The following KCTD8 variants were observed in gnomAD, a reference collection of about 807,000 sequenced individuals.
KCTD8 encodes BTB/POZ domain-containing protein KCTD8.
A neutral mutation model predicts 31.5 loss-of-function variants in KCTD8; 27 were observed. The observed-to-expected ratio is 0.86, with a 90% confidence interval of 0.63 to 1.18. KCTD8 has a LOEUF of 1.18. KCTD8 is among the 50% of genes most tolerant of loss of function. The probability of loss-of-function intolerance (pLI) is 0.00; values close to 1 mark genes in which losing one functional copy is unlikely to be tolerated. For missense variants in KCTD8, 658 were observed against 647.7 expected, an observed-to-expected ratio of 1.02 and a Z score of -0.17; for synonymous variants, 290 against 280.0, an observed-to-expected ratio of 1.04 and a Z score of -0.36.
chr4:44,395,201 C>T (rs957023141), intron 1 of KCTD8, among the ~76,000 whole-genome samples: 3 of 151,972 alleles, frequency 2.0e-5, no homozygotes, highest in Admixed American at 6.6e-5. Context: ...TACAAAAAAA[C>T]AGTAATGAGA....
chr4:44,439,900 TTTTATTTATTTATTTATTTATTTATTTA>T (rs59211244), intron 1 of KCTD8, among the ~76,000 whole-genome samples: 1 of 133,370 alleles, frequency 7.5e-6, no homozygotes, highest in Admixed American at 7.4e-5. Context: ...AATCATTTAT[TTTTATTTATTTATTTATTTATTTATTTA>T]TTTATTTATT....
chr4:44,432,099 G>A (rs1005730478), intron 1 of KCTD8, among the ~76,000 whole-genome samples: 1 of 151,128 alleles, frequency 6.6e-6, no homozygotes, highest in African/African-American at 2.4e-5. Context: ...TTTTATTGGA[G>A]CCAGTATTTT....
chr4:44,237,612 G>A (rs1367234937), intron 1 of KCTD8, among the ~76,000 whole-genome samples: 1 of 152,114 alleles, frequency 6.6e-6, no homozygotes. Flanking sequence ...ATTTCAACTG[G>A]TTTGCAACTT....
At chr4:44,408,234 T>A (rs1379764738) in intron 1 of KCTD8, among the ~76,000 whole-genome samples, 1 of 152,180 alleles carries the variant, frequency 6.6e-6, no homozygotes, top group Non-Finnish European at 1.5e-5. Flanking sequence ...TAAAAAGTAT[T>A]AGCATGGACA....
intron 1 of KCTD8, among the ~76,000 whole-genome samples, chr4:44,362,342 C>G (rs181918740): frequency 1.3e-5 from 2 of 152,238 alleles, no homozygotes; most frequent in East Asian, 3.9e-4. Flanking sequence ...ATAACCTCAA[C>G]TTTCATGAGT....
chr4:44,421,609 A>C (rs529634013), intron 1 of KCTD8, among the ~76,000 whole-genome samples: 1 of 152,224 alleles, frequency 6.6e-6, no homozygotes, highest in South Asian at 2.1e-4. Context: ...ATTTCCTTCC[A>C]ATTGGTGGAA....
At chr4:44,347,106 G>A (rs963310894) in intron 1 of KCTD8, among the ~76,000 whole-genome samples, 1 of 152,204 alleles carries the variant, frequency 6.6e-6, no homozygotes, top group South Asian at 2.1e-4. Context: ...CTCAGATGCT[G>A]TAAGAAAGGA....
chr4:44,195,139 A>G (rs1713900868), intron 1 of KCTD8, among the ~76,000 whole-genome samples: 1 of 151,634 alleles, frequency 6.6e-6, no homozygotes, highest in African/African-American at 2.4e-5. Flanking sequence ...CGGCCTCCCA[A>G]AGTGCTGGGA....
chr4:44,402,321 A>C (rs1720686032), intron 1 of KCTD8, among the ~76,000 whole-genome samples: 1 of 152,230 alleles, frequency 6.6e-6, no homozygotes, highest in Admixed American at 6.5e-5. Context: ...TATAAACAAT[A>C]ATCTATTAAT....
chr4:44,435,244 T>C (rs1485770676), intron 1 of KCTD8, among the ~76,000 whole-genome samples: 1 of 151,920 alleles, frequency 6.6e-6, no homozygotes, highest in African/African-American at 2.4e-5. Context: ...ATTCCTCAAA[T>C]GGGAGATGGG....
At chr4:44,411,115 A>C (rs1053690595) in intron 1 of KCTD8, among the ~76,000 whole-genome samples, 3 of 152,076 alleles carry the variant, frequency 2.0e-5, no homozygotes, top group Non-Finnish European at 2.9e-5. Context: ...ATTTGATGAC[A>C]CTCCATTTTT....
chr4:44,268,267 A>T (rs1280184067), intron 1 of KCTD8, among the ~76,000 whole-genome samples: 2 of 152,098 alleles, frequency 1.3e-5, no homozygotes, highest in Non-Finnish European at 2.9e-5. Context: ...GTAATCCAGC[A>T]TATAAACAGA....
At chr4:44,340,759 T>C (rs6816532) in intron 1 of KCTD8, among the ~76,000 whole-genome samples, 17,562 of 152,026 alleles carry the variant, frequency 0.12, 1,279 homozygotes, top group East Asian at 0.24. Flanking sequence ...GCATATACTA[T>C]ATGATTCCAA....
At chr4:44,217,862 C>T (rs1402135318) in intron 1 of KCTD8, among the ~76,000 whole-genome samples, 1 of 152,064 alleles carries the variant, frequency 6.6e-6, no homozygotes, top group African/African-American at 2.4e-5. Flanking sequence ...GAAATCTGCA[C>T]AGTCAGCTTC....
At chr4:44,355,994 A>C (rs1438207386) in intron 1 of KCTD8, among the ~76,000 whole-genome samples, 1 of 152,160 alleles carries the variant, frequency 6.6e-6, no homozygotes, top group Non-Finnish European at 1.5e-5. Flanking sequence ...ATGACCACTA[A>C]ACTTAGAATA....
At chr4:44,414,139 T>G (rs950612250) in intron 1 of KCTD8, among the ~76,000 whole-genome samples, 12 of 152,088 alleles carry the variant, frequency 7.9e-5, no homozygotes, top group Admixed American at 3.3e-4. Context: ...GCCACTAAAT[T>G]TGTGGCAATT....
intron 1 of KCTD8, among the ~76,000 whole-genome samples, chr4:44,244,588 T>C (rs888981292): frequency 6.6e-6 from 1 of 152,136 alleles, no homozygotes; most frequent in African/African-American, 2.4e-5. Flanking sequence ...TCCAGAATGA[T>C]TACCTAAATA....
At chr4:44,389,593 T>G (rs148012706) in intron 1 of KCTD8, among the ~76,000 whole-genome samples, 1 of 150,848 alleles carries the variant, frequency 6.6e-6, no homozygotes, top group South Asian at 2.1e-4. Context: ...GGGGTGGGGG[T>G]GTGGAATGGG....
chr4:44,205,857 A>G (rs1186571100), intron 1 of KCTD8, among the ~76,000 whole-genome samples: 1 of 152,214 alleles, frequency 6.6e-6, no homozygotes, highest in Non-Finnish European at 1.5e-5. Context: ...ACCATGTCGT[A>G]GGTAGAAATG....
Sources: gnomAD v4.1 joint callset for allele counts (sites outside exome capture counted in the v4.1 genomes callset) on GRCh38, gnomAD v4.1.1 for gene constraint, MANE v1.5 for transcripts, NCBI Gene and HGNC (gene_info 2026-07-23, HGNC 2026-07-21) for gene names.